Variants in ERI3 observed in about 807,000 individuals in gnomAD.
The protein encoded by ERI3 is ERI1 exoribonuclease 3.
A neutral mutation model predicts 44.4 loss-of-function variants in ERI3; 18 were observed. That is an observed-to-expected ratio of 0.41 (90% CI 0.28 to 0.60). The LOEUF (loss-of-function observed/expected upper bound fraction) is 0.60, where lower values mean the gene tolerates loss of function less well. ERI3 is among the 20% of genes least tolerant of loss of function. The pLI is 0.36. For missense variants in ERI3, 294 were observed against 435.5 expected, an observed-to-expected ratio of 0.68 and a Z score of 2.89; for synonymous variants, 183 against 164.8, an observed-to-expected ratio of 1.11 and a Z score of -0.84.
At chr1:44,354,160 G>C in intron 1 of ERI3, 1 of 985,418 alleles carries the variant, frequency 1.0e-6, no homozygotes, top group Non-Finnish European at 1.2e-6. Context: ...ACTATAGTTT[G>C]AATAGCGTAC....
intron 7 of ERI3, among the ~76,000 whole-genome samples, chr1:44,270,342 G>A (rs1645065413): frequency 6.6e-6 from 1 of 152,168 alleles, no homozygotes; most frequent in Admixed American, 6.5e-5. Context: ...CTAGCTCTGT[G>A]GATTAAGAGA....
At chr1:44,342,926 C>CTTAA (rs1646714920) in intron 2 of ERI3, among the ~76,000 whole-genome samples, 1 of 115,830 alleles carries the variant, frequency 8.6e-6, no homozygotes, top group African/African-American at 3.4e-5. Flanking sequence ...CCAGGCTGGT[C>CTTAA]TTAAATTCCT....
intron 7 of ERI3, among the ~76,000 whole-genome samples, chr1:44,281,037 TCTC>T (rs1289464385): frequency 6.6e-6 from 1 of 152,180 alleles, no homozygotes; most frequent in Non-Finnish European, 1.5e-5. Context: ...CCAGGCTTCT[TCTC>T]CTCACCTCAG....
intron 5 of ERI3, among the ~76,000 whole-genome samples, chr1:44,308,910 T>G (rs1025177602): frequency 1.4e-4 from 21 of 152,172 alleles, no homozygotes; most frequent in Non-Finnish European, 2.4e-4. Flanking sequence ...CATTTTCACC[T>G]TAAGAGGCCC....
At chr1:44,352,765 T>A in intron 2 of ERI3, 85 bp downstream of exon 2, 1 of 1,439,124 alleles carries the variant, frequency 6.9e-7, no homozygotes, top group Non-Finnish European at 9.6e-7. Flanking sequence ...AAATACAATC[T>A]GCATCAGCCC....
At chr1:44,259,908 TAGATAGATAGATAGAC>T (rs1644858688) in intron 7 of ERI3, among the ~76,000 whole-genome samples, 1 of 146,506 alleles carries the variant, frequency 6.8e-6, no homozygotes. Context: ...GATAGATAGA[TAGATAGATAGATAGAC>T]AGACAGACAG....
intron 3 of ERI3, 121 bp downstream of exon 3, chr1:44,338,924 T>C (rs1370837461): frequency 1.1e-5 from 14 of 1,240,526 alleles, no homozygotes; most frequent in African/African-American, 3.0e-5. Context: ...ACAGGAACTC[T>C]AAATGAGTAG....
At chr1:44,342,000 T>G (rs868611367) in intron 2 of ERI3, among the ~76,000 whole-genome samples, 1 of 152,194 alleles carries the variant, frequency 6.6e-6, no homozygotes, top group Non-Finnish European at 1.5e-5. Context: ...GATTCCACAC[T>G]TCCCTTACTT....
At chr1:44,353,078 T>A in intron 1 of ERI3, 153 bp from the exon 2 acceptor site, 9 of 985,392 alleles carry the variant, frequency 9.1e-6, no homozygotes, top group Non-Finnish European at 1.1e-5. Flanking sequence ...TTTCAGAAAC[T>A]ATTAGTACTA....
intron 6 of ERI3, among the ~76,000 whole-genome samples, chr1:44,288,295 T>G (rs1267296695): frequency 6.6e-6 from 1 of 152,160 alleles, no homozygotes. Flanking sequence ...CAGGTACACA[T>G]GCAGTTTGTA....
chr1:44,352,835 C>A lies in ERI3; in HGVS notation c.211+15G>T. ...GAAAATAAAGCCAGACTTGACCATG[C>A]AACAGGATTCTCACCTCTCCTTACT... On this transcript the variant is annotated intron_variant, in intron 2 of 8. Coordinates refer to ENST00000372257, the MANE Select transcript of ERI3 (RefSeq NM_024066.3). The A allele has an allele frequency of 6.2e-7, 1 of 1,614,046 alleles. No homozygotes were observed. Among genetic ancestry groups the A allele is most frequent in the South Asian group, 1.1e-5 (1 of 91,060 alleles).
intron 5 of ERI3, among the ~76,000 whole-genome samples, chr1:44,310,963 G>GCGCGCGCA (rs1373873768): frequency 1.5e-4 from 19 of 123,258 alleles, no homozygotes; most frequent in African/African-American, 4.4e-4. Flanking sequence ...GCGCGCGCGC[G>GCGCGCGCA]CACACACACA....
At chr1:44,259,689 GACACACAC>G (rs58901342) in intron 7 of ERI3, among the ~76,000 whole-genome samples, 138 of 140,308 alleles carry the variant, frequency 9.8e-4, no homozygotes, top group African/African-American at 2.3e-3. Flanking sequence ...AAAACACACA[GACACACAC>G]ACACACACAC....
intron 7 of ERI3, among the ~76,000 whole-genome samples, chr1:44,255,562 A>C (rs6699063): frequency 0.036 from 5,508 of 151,936 alleles, 315 homozygotes; most frequent in African/African-American, 0.13. Context: ...CAACCTTTCT[A>C]ATTTCCAAAT....
chr1:44,240,731 A>G (rs974787408), intron 8 of ERI3, among the ~76,000 whole-genome samples: 2 of 152,172 alleles, frequency 1.3e-5, no homozygotes, highest in Non-Finnish European at 1.5e-5. Flanking sequence ...CAGACCAAAC[A>G]AATTCCCCTC....
At chr1:44,323,615 T>C (rs1004561145) in intron 3 of ERI3, among the ~76,000 whole-genome samples, 2 of 152,250 alleles carry the variant, frequency 1.3e-5, no homozygotes, top group African/African-American at 4.8e-5. Context: ...TGGCCTCCAG[T>C]GCTCTCCAAG....
chr1:44,347,196 T>G (rs1389531195), intron 2 of ERI3, among the ~76,000 whole-genome samples: 1 of 152,222 alleles, frequency 6.6e-6, no homozygotes, highest in Non-Finnish European at 1.5e-5. Context: ...TGAGGCAAAG[T>G]GTAACTTTAA....
chr1:44,223,789 T>A (rs117331049), intron 8 of ERI3, among the ~76,000 whole-genome samples: 1,756 of 152,218 alleles, frequency 0.012, 68 homozygotes, highest in East Asian at 0.06. Context: ...GGTCCCCACG[T>A]CCCAGTCTCT....
intron 7 of ERI3, among the ~76,000 whole-genome samples, chr1:44,272,012 C>T (rs1465844475): frequency 6.6e-6 from 1 of 152,176 alleles, no homozygotes; most frequent in Non-Finnish European, 1.5e-5. Context: ...TGTATGTCTA[C>T]CTGGATCTCC....
Sources: allele counts gnomAD v4.1 joint callset (sites outside exome capture counted in the v4.1 genomes callset), GRCh38; gene constraint gnomAD v4.1.1; transcripts MANE v1.5; gene names NCBI Gene and HGNC (gene_info 2026-07-23, HGNC 2026-07-21).